Variants in ATG7 observed in about 807,000 individuals in gnomAD.
ATG7 encodes autophagy related 7.
Under a neutral mutation model 82.4 loss-of-function variants are expected in ATG7, and 70 were observed. The observed-to-expected ratio is 0.85, with a 90% CI of 0.70 to 1.04. ATG7 has a LOEUF of 1.04. ATG7 is among the 50% of genes least tolerant of loss of function. The pLI, the probability that ATG7 is intolerant of heterozygous loss-of-function variation, is 0.00. For missense variants in ATG7, 792 were observed against 864.3 expected, an observed-to-expected ratio of 0.92 and a Z score of 1.05; for synonymous variants, 287 against 313.0, an observed-to-expected ratio of 0.92 and a Z score of 0.88.
chr3:11,382,524 G>A lies in ATG7; in HGVS notation c.1956+2472G>A, dbSNP rs570812939. Among the ~76,000 whole-genome samples the A allele has an allele frequency of 1.1e-3, 161 of 152,262 alleles. 1 individual carries two copies. The highest frequency in any genetic ancestry group is 3.4e-3 in the Middle Eastern group (1 of 294). On this transcript the variant is annotated intron_variant, in intron 19 of 20. Transcript: ENST00000693202. ...GTGGTGAGGAGTCACTTTCATTCCAGTTTCTACTTATTGTCTTGCAGAACT... is the reference window on the plus strand; with the variant it reads ...GTGGTGAGGAGTCACTTTCATTCCAATTTCTACTTATTGTCTTGCAGAACT...
At chr3:11,377,834 C>A (rs998546943) in intron 18 of ATG7, among the ~76,000 whole-genome samples, 8 of 152,098 alleles carry the variant, frequency 5.3e-5, no homozygotes, top group Admixed American at 5.2e-4. Flanking sequence ...CCATTTGTGA[C>A]TTGCTATTAA....
intron 20 of ATG7, among the ~76,000 whole-genome samples, chr3:11,429,423 G>A (rs1458616059): frequency 6.6e-6 from 1 of 152,000 alleles, no homozygotes; most frequent in Non-Finnish European, 1.5e-5. Flanking sequence ...TTGAACCCGG[G>A]AAGCAAAGGT....
chr3:11,562,090 G>A (rs1043298029), downstream of ATG7, among the ~76,000 whole-genome samples: 2 of 151,842 alleles, frequency 1.3e-5, no homozygotes, highest in Non-Finnish European at 2.9e-5. Context: ...TAAAAACAGG[G>A]TTTCACCATG....
intron 14 of ATG7, 25 bp from the exon 15 acceptor site, chr3:11,358,393 T>C (rs761271162): frequency 1.2e-6 from 2 of 1,600,154 alleles, no homozygotes; most frequent in Non-Finnish European, 1.7e-6. Flanking sequence ...GCTCCAGACA[T>C]AACTACGTCC....
Position 11,426,902 on chromosome 3 carries a change from G to A in ATG7, c.2055G>A (p.Leu685=). 1 of 1,605,580 alleles carries A rather than the reference G, an allele frequency of 6.2e-7. No individual in the cohort carries two copies. The highest frequency in any genetic ancestry group is 8.5e-7 in the Non-Finnish European group (1 of 1,176,822). ...FLEDLTGLTL[L]HQETQAAEIW... ...AAGACTTGACTGGTCTTACATTGCT[G>A]CATCAAGAAACCCAAGCTGCTGAGG... Residue 685 remains leucine (L), a synonymous_variant, in exon 20 of 21, where the codon CTG becomes CTA. Coordinates refer to ENST00000693202, the MANE Select transcript of ATG7 (RefSeq NM_001349232.2).
chr3:11,395,907 T>C (rs536211617), intron 19 of ATG7, among the ~76,000 whole-genome samples: 11 of 113,222 alleles, frequency 9.7e-5, no homozygotes, highest in Non-Finnish European at 1.6e-4. Flanking sequence ...ACCACTATAC[T>C]CCAGCCTGGG....
At chr3:11,457,463 G>A (rs2085852205) in intron 20 of ATG7, among the ~76,000 whole-genome samples, 1 of 152,088 alleles carries the variant, frequency 6.6e-6, no homozygotes, top group Admixed American at 6.5e-5. Flanking sequence ...GTCTCTTCTT[G>A]GGGCATAATT....
At chr3:11,438,426 C>T (rs1256527280) in intron 20 of ATG7, among the ~76,000 whole-genome samples, 3 of 152,070 alleles carry the variant, frequency 2.0e-5, no homozygotes, top group Admixed American at 1.3e-4. Context: ...TTTAGCCAGG[C>T]GTGGTGGCTT....
chr3:11,492,226 C>T (rs2153049049), intron 20 of ATG7, among the ~76,000 whole-genome samples: 1 of 152,334 alleles, frequency 6.6e-6, no homozygotes, highest in Admixed American at 6.5e-5. Flanking sequence ...CCCGATTTTC[C>T]AGTTGCCGTC....
intron 19 of ATG7, among the ~76,000 whole-genome samples, chr3:11,412,891 A>C (rs2081041992): frequency 6.6e-6 from 1 of 151,922 alleles, no homozygotes; most frequent in Non-Finnish European, 1.5e-5. Context: ...TTGTTTTATA[A>C]TTTTTATTGT....
At chr3:11,401,754 C>T (rs2079858706) in intron 19 of ATG7, among the ~76,000 whole-genome samples, 1 of 152,212 alleles carries the variant, frequency 6.6e-6, no homozygotes, top group African/African-American at 2.4e-5. Flanking sequence ...GAGGGTCCCA[C>T]AACCTGTGTA....
intron 20 of ATG7, among the ~76,000 whole-genome samples, chr3:11,430,038 A>G (rs974742052): frequency 1.3e-5 from 2 of 151,536 alleles, no homozygotes; most frequent in African/African-American, 4.9e-5. Context: ...GGAGACAAAC[A>G]CTGTTGTTAC....
the ATG7 span, among the ~76,000 whole-genome samples, chr3:11,569,486 C>T: frequency 1.3e-5 from 2 of 152,232 alleles, no homozygotes; most frequent in Non-Finnish European, 2.9e-5. Flanking sequence ...CCATGCCAGG[C>T]GTTGCCTGGC....
chr3:11,513,567 G>C (rs567332721), intron 20 of ATG7, among the ~76,000 whole-genome samples: 2 of 152,158 alleles, frequency 1.3e-5, no homozygotes, highest in Admixed American at 6.5e-5. Flanking sequence ...ACGCCCACCC[G>C]GAACTCCAGC....
chr3:11,336,861 C>T (rs2152764613), intron 11 of ATG7, among the ~76,000 whole-genome samples: 1 of 151,840 alleles, frequency 6.6e-6, no homozygotes, highest in South Asian at 2.1e-4. Flanking sequence ...TTTGCAGAGA[C>T]AGGGTTTCAC....
At chr3:11,371,041 T>G (rs1327634127) in intron 18 of ATG7, among the ~76,000 whole-genome samples, 1 of 150,968 alleles carries the variant, frequency 6.6e-6, no homozygotes, top group African/African-American at 2.4e-5. Flanking sequence ...TGGAGATCTG[T>G]GCCACAAGAT....
the ATG7 span, among the ~76,000 whole-genome samples, chr3:11,562,824 C>T: frequency 6.6e-6 from 1 of 152,242 alleles, no homozygotes; most frequent in Non-Finnish European, 1.5e-5. Flanking sequence ...CCCCGTGGCC[C>T]CTGGCTTTGT....
chr3:11,449,254 C>CT (rs1172975774), intron 20 of ATG7, among the ~76,000 whole-genome samples: 1 of 152,172 alleles, frequency 6.6e-6, no homozygotes, highest in Non-Finnish European at 1.5e-5. Context: ...TGCCTGTAGT[C>CT]CCAGCTATTC....
chr3:11,387,577 C>A (rs149298331), intron 19 of ATG7, among the ~76,000 whole-genome samples: 1 of 152,196 alleles, frequency 6.6e-6, no homozygotes, highest in African/African-American at 2.4e-5. Context: ...TGGAATTAAT[C>A]TCATTCACCT....
Sources: gnomAD v4.1 joint callset for allele counts (sites outside exome capture counted in the v4.1 genomes callset) on GRCh38, gnomAD v4.1.1 for gene constraint, MANE v1.5 for transcripts, NCBI Gene and HGNC (gene_info 2026-07-23, HGNC 2026-07-21) for gene names.